GEMIN5: variants seen among roughly 807,000 people sequenced by gnomAD.
The protein encoded by GEMIN5 is gem-associated protein 5.
A neutral mutation model predicts 176.9 loss-of-function variants in GEMIN5; 124 were observed. The observed-to-expected ratio is 0.70, with a 90% CI of 0.61 to 0.81. The LOEUF (loss-of-function observed/expected upper bound fraction) is 0.81, where lower values mean the gene tolerates loss of function less well. Ranked by LOEUF, GEMIN5 falls within the 40% of genes least tolerant of loss-of-function variation. GEMIN5 has a pLI of 0.00. For missense variants in GEMIN5, 1,843 were observed against 1,814.6 expected (o/e 1.02, Z -0.28); for synonymous variants, 673 against 665.2 (o/e 1.01, Z -0.18).
In GEMIN5 at chr5:154,938,020, A is replaced by G. The variant is rs758130648; in HGVS notation, c.114T>C (p.Leu38=). 8 of 1,566,922 alleles carry G rather than the reference A, an allele frequency of 5.1e-6. No individual in the cohort carries two copies. The highest frequency in any genetic ancestry group is 1.4e-5 in the African/African-American group (1 of 71,276). Residue 38 remains leucine, a synonymous_variant, in exon 1 of 28, where the codon CTT becomes CTC. Coordinates refer to ENST00000285873, the MANE Select transcript of GEMIN5 (RefSeq NM_015465.5). The part of the protein sequence containing the change: ...FGFAARTSVF[L]VRVGPGAGES... Reference sequence around the variant, plus strand: ...CGCCTGCGCCCGGGCCCACGCGGACAAGGAAGACGGAGGTCCGCGCGGCGA... The same window carrying G: ...CGCCTGCGCCCGGGCCCACGCGGACGAGGAAGACGGAGGTCCGCGCGGCGA...
intron 24 of GEMIN5, among the ~76,000 whole-genome samples, chr5:154,894,919 A>T (rs2113457210): frequency 6.6e-6 from 1 of 151,378 alleles, no homozygotes; most frequent in South Asian, 2.1e-4. Flanking sequence ...AAAAAAAAAA[A>T]AGTAAAAATA....
At chr5:154,891,921 TC>T (rs1205996152) in intron 25 of GEMIN5, among the ~76,000 whole-genome samples, 179 bp from the exon 26 acceptor site, 1 of 152,098 alleles carries the variant, frequency 6.6e-6, no homozygotes, top group Non-Finnish European at 1.5e-5. Context: ...GCTAAACATT[TC>T]CTGGCTTGCG....
intron 15 of GEMIN5, among the ~76,000 whole-genome samples, chr5:154,910,356 G>C (rs1033642883): frequency 7.0e-4 from 106 of 152,048 alleles, no homozygotes; most frequent in African/African-American, 2.4e-3. Context: ...CCCCTATGTT[G>C]TCCAGGTTAG....
At chr5:154,912,758 T>C (rs969767387) in intron 14 of GEMIN5, 141 bp downstream of exon 14, 1 of 653,866 alleles carries the variant, frequency 1.5e-6, no homozygotes, top group Admixed American at 3.3e-5. Context: ...GAAACTAAAA[T>C]GCCTCCTAGA....
At chr5:154,912,826 A>G in intron 14 of GEMIN5, 73 bp downstream of exon 14, 1 of 1,346,970 alleles carries the variant, frequency 7.4e-7, no homozygotes, top group African/African-American at 1.4e-5. Context: ...CCTGTTCACA[A>G]CTGGGGGAAA....
chr5:154,927,359 T>C, intron 7 of GEMIN5, 26 bp downstream of exon 7: 1 of 1,507,298 alleles, frequency 6.6e-7, no homozygotes, highest in Non-Finnish European at 9.2e-7. Context: ...TGCTCTACAA[T>C]GCTGAGTGAA....
intron 3 of GEMIN5, among the ~76,000 whole-genome samples, chr5:154,935,614 A>G (rs1258505293): frequency 6.6e-6 from 1 of 152,198 alleles, no homozygotes; most frequent in Non-Finnish European, 1.5e-5. Context: ...GAGGAGTTAG[A>G]TCCGAAAAAC....
chr5:154,928,918 G>A (rs1399963415), intron 5 of GEMIN5, among the ~76,000 whole-genome samples: 5 of 151,856 alleles, frequency 3.3e-5, no homozygotes, highest in Non-Finnish European at 7.4e-5. Flanking sequence ...CAACCTCAAC[G>A]TATTAAGAGT....
chr5:154,889,400 TC>T lies in GEMIN5; in HGVS notation c.4279del (p.Glu1427SerfsTer8). ...SQSQCKEEKN[E>X]PLSLPELTKR... is the part of the protein sequence containing the mutation. ...GGTTAACTCAGGCAGAGAAAGTGGC[TC>T]ATTTTTTTCTTCTTTACTAGTGAAA... On this transcript the variant is annotated frameshift_variant, in exon 27 of 28. Transcript: ENST00000285873. LOFTEE classifies it high-confidence loss of function. 6.2e-7 allele frequency: 1 copy of T among 1,606,950 alleles called. No homozygotes were observed. Among genetic ancestry groups the T allele is most frequent in the Non-Finnish European group, 8.5e-7 (1 of 1,173,746 alleles).
intron 15 of GEMIN5, among the ~76,000 whole-genome samples, chr5:154,909,973 C>T (rs967977942): frequency 8.0e-6 from 1 of 125,370 alleles, no homozygotes; most frequent in Non-Finnish European, 1.8e-5. Flanking sequence ...AGTAAGACTC[C>T]GTTTCAAGAA....
intron 19 of GEMIN5, 109 bp from the exon 20 acceptor site, chr5:154,902,785 G>A (rs1763491711): frequency 9.0e-7 from 1 of 1,111,614 alleles, no homozygotes; most frequent in Non-Finnish European, 1.3e-6. Flanking sequence ...AAAATATGCA[G>A]TCATTCTCTG....
Position 154,931,950 on chromosome 5 carries a change from T to C in GEMIN5, c.661+149A>G. 6.2e-6 allele frequency: 4 copies of C among 644,600 alleles called. No homozygotes were observed. In the South Asian group the frequency reaches 6.4e-5, roughly 10 times the overall value. The allele number at this position is 644,600 out of a possible 1,614,324, so 39.9% of individuals were successfully genotyped here. The stretch of plus-strand genomic sequence containing the variant: ...ATCGCTTGAACCCGGGAGGCGGAGG[T>C]TGCGGTGAGCCGAGATCACGCTCCA... On this transcript the variant is annotated intron_variant, in intron 4 of 27. Coordinates refer to ENST00000285873, the MANE Select transcript of GEMIN5 (RefSeq NM_015465.5).
Position 154,921,440 on chromosome 5 carries a change from GGAGA to G in GEMIN5, c.1380-19_1380-16del, listed in dbSNP as rs1473084352. 1.7e-6 allele frequency: 2 copies of G among 1,179,902 alleles called. No homozygotes were observed. Among genetic ancestry groups the G allele is most frequent in the East Asian group, 5.2e-5 (2 of 38,554 alleles). The allele number at this position is 1,179,902 out of a possible 1,614,324, so 73.1% of individuals were successfully genotyped here. On this transcript the variant is annotated splice_polypyrimidine_tract_variant and intron_variant, in intron 9 of 27. Coordinates refer to ENST00000285873, the MANE Select transcript of GEMIN5 (RefSeq NM_015465.5). ...TCTGTGGAGGCCTTTAGAAGAGCAG[GGAGA>G]GAGAACAAATGGAGATTTAAACAAA...
intron 12 of GEMIN5, among the ~76,000 whole-genome samples, chr5:154,917,633 C>T (rs764428694): frequency 1.3e-5 from 2 of 152,066 alleles, no homozygotes; most frequent in Non-Finnish European, 2.9e-5. Flanking sequence ...TCTGACTAGG[C>T]TTACTTTAAA....
intron 19 of GEMIN5, 146 bp downstream of exon 19, chr5:154,902,934 G>A (rs1221306989): frequency 1.5e-6 from 1 of 646,322 alleles, no homozygotes; most frequent in African/African-American, 1.8e-5. Context: ...GTATCAATAT[G>A]TAAATCAGGG....
In GEMIN5 at chr5:154,902,609, G is replaced by C. The variant is rs1337088691; in HGVS notation, c.2796C>G (p.Leu932=). The part of the protein sequence containing the change: ...FHQLMLWKGD[L]KGVLQTAAER... ...CTGCTGCAGTCTGGAGAACACCTTT[G>C]AGATCTCCTTTCCAAAGCATAAGCT... Residue 932 remains leucine, a synonymous_variant, in exon 20 of 28, where the codon CTC becomes CTG. Coordinates refer to ENST00000285873, the MANE Select transcript of GEMIN5 (RefSeq NM_015465.5). 4 of 1,613,850 alleles carry C rather than the reference G, an allele frequency of 2.5e-6. No homozygotes were observed. The highest frequency in any genetic ancestry group is 3.4e-6 in the Non-Finnish European group (4 of 1,179,848).
chr5:154,892,735 C>T (rs1476779203), intron 24 of GEMIN5, 186 bp from the exon 25 acceptor site: 8 of 581,674 alleles, frequency 1.4e-5, no homozygotes, highest in Non-Finnish European at 2.5e-5. Flanking sequence ...AGTTGCACAG[C>T]AGCACACACA....
intron 16 of GEMIN5, among the ~76,000 whole-genome samples, chr5:154,906,077 C>A (rs1409814795): frequency 6.6e-6 from 1 of 151,686 alleles, no homozygotes; most frequent in Admixed American, 6.6e-5. Context: ...GTCACTGAGG[C>A]CTTAACCTCC....
In GEMIN5 at chr5:154,928,552, T is replaced by C. The variant is rs781393835; in HGVS notation, c.889A>G (p.Thr297Ala). 1.2e-6 allele frequency: 2 copies of C among 1,614,144 alleles called. No homozygotes were observed. Among genetic ancestry groups the C allele is most frequent in the Middle Eastern group, 1.6e-4 (1 of 6,062 alleles). ...LTLHWPSNQP[T>A]QLVSSCFGGE... ...CCAAAACAGCTAGATACCAGCTGTG[T>C]TGGTTGATTGCTGGGCCAATGGAGT... is the stretch of plus-strand genomic sequence containing the variant. Residue 297 changes from threonine (T) to alanine (A), a missense_variant, in exon 6 of 28, where the codon ACA becomes GCA. By Grantham distance (58) the Thr-to-Ala change is moderately conservative. Transcript: ENST00000285873.
Sources: gnomAD v4.1 joint callset for allele counts (sites outside exome capture counted in the v4.1 genomes callset) on GRCh38, gnomAD v4.1.1 for gene constraint, MANE v1.5 for transcripts, NCBI Gene and HGNC (gene_info 2026-07-23, HGNC 2026-07-21) for gene names.